Variants in PXDN observed in about 807,000 individuals in gnomAD.
PXDN encodes the protein peroxidasin homolog.
A neutral mutation model predicts 140.3 loss-of-function variants in PXDN; 77 were observed. The ratio of observed to expected loss-of-function variants is 0.55; its 90% CI spans 0.46 to 0.66. The LOEUF (loss-of-function observed/expected upper bound fraction) is 0.66. Among genes scored for constraint, PXDN ranks in the 30% least tolerant of loss-of-function variants. The probability of loss-of-function intolerance (pLI) is 0.00; values close to 1 mark genes in which losing one functional copy is unlikely to be tolerated. For synonymous variants in PXDN, 911 were observed against 857.4 expected, an observed-to-expected ratio of 1.06 and a Z score of -1.09; for missense variants, 1,838 against 2,039.5, an observed-to-expected ratio of 0.90 and a Z score of 1.90.
At chr2:1,650,645 C>T (rs554896008) in intron 16 of PXDN, among the ~76,000 whole-genome samples, 1 of 152,276 alleles carries the variant, frequency 6.6e-6, no homozygotes, top group South Asian at 2.1e-4. Context: ...TTCCTCAACA[C>T]TCCTCCTTTC....
chr2:1,709,683 C>T (rs1197455907), intron 1 of PXDN, among the ~76,000 whole-genome samples: 3 of 152,164 alleles, frequency 2.0e-5, no homozygotes, highest in Non-Finnish European at 4.4e-5. Context: ...CACCCCCACG[C>T]GGTGGTGTTA....
chr2:1,739,278 C>A (rs1438165131), intron 1 of PXDN, among the ~76,000 whole-genome samples: 2 of 152,152 alleles, frequency 1.3e-5, no homozygotes, highest in Non-Finnish European at 1.5e-5. Context: ...AGCTGCCAAT[C>A]ATCAGCAACT....
At position 1,713,356 on chromosome 2, in the gene PXDN, G is replaced by A. The variant is rs537491537; in HGVS notation, c.201-20222C>T. On this transcript the variant is annotated intron_variant, in intron 1 of 22. Transcript: ENST00000252804. The stretch of plus-strand genomic sequence containing the variant: ...TGTGGTAACTCAGCCTGGCCTCCGG[G>A]CTTCCATCCCTGCGAAAAGAAGCAG... 7.0e-4 allele frequency among the ~76,000 whole-genome samples: 106 copies of A among 152,326 alleles called. 1 individual carries two copies. Among genetic ancestry groups the A allele is most frequent in the Admixed American group, 3.8e-3 (58 of 15,298 alleles).
chr2:1,689,110 C>T (rs1280805460), intron 3 of PXDN, among the ~76,000 whole-genome samples: 2 of 152,184 alleles, frequency 1.3e-5, no homozygotes, highest in African/African-American at 4.8e-5. Flanking sequence ...TTCTCTAGGC[C>T]GCATACGTGG....
At chr2:1,664,873 G>A in intron 11 of PXDN, 85 bp downstream of exon 11, 1 of 1,172,152 alleles carries the variant, frequency 8.5e-7, no homozygotes, top group Non-Finnish European at 1.2e-6. Context: ...AGAACACGCT[G>A]GGGTTGCCTG....
At chr2:1,634,428 C>T in intron 22 of PXDN, 105 bp from the exon 23 acceptor site, 3 of 1,410,106 alleles carry the variant, frequency 2.1e-6, no homozygotes, top group Non-Finnish European at 2.8e-6. Flanking sequence ...ATGAGTCAGG[C>T]CTTGCCCTGA....
chr2:1,722,191 G>C (rs1685069609), intron 1 of PXDN, among the ~76,000 whole-genome samples: 1 of 152,194 alleles, frequency 6.6e-6, no homozygotes, highest in African/African-American at 2.4e-5. Flanking sequence ...CATGTAAGAA[G>C]AATAAAATTA....
intron 1 of PXDN, among the ~76,000 whole-genome samples, chr2:1,697,776 G>A (rs1356822175): frequency 2.0e-5 from 3 of 152,146 alleles, no homozygotes; most frequent in East Asian, 1.9e-4. Flanking sequence ...ATGTGGCGGC[G>A]TGGTCCTAGC....
In PXDN at chr2:1,643,476, T is replaced by G. The variant is rs749813167; in HGVS notation, c.3844A>C (p.Thr1282Pro). The change falls in exon 19 of 23, where the codon ACC becomes CCC. Residue 1282 changes from threonine to proline, a missense_variant. Coordinates refer to ENST00000252804, the MANE Select transcript of PXDN (RefSeq NM_012293.3). ...RILCDNADNI[T>P]RVQSDVFRVA... ...CTGAACACGTCGCTCTGCACCCGGG[T>G]GATGTTGTCCGCGTTGTCGCATAGG... The G allele has an allele frequency of 6.2e-7, 1 of 1,613,684 alleles. No individual in the cohort carries two copies. The highest frequency in any genetic ancestry group is 8.5e-7 in the Non-Finnish European group (1 of 1,179,886).
intron 3 of PXDN, among the ~76,000 whole-genome samples, chr2:1,689,833 T>G (rs1185605614): frequency 6.6e-6 from 1 of 152,098 alleles, no homozygotes; most frequent in Non-Finnish European, 1.5e-5. Flanking sequence ...AAATTGTGAT[T>G]TTCTACTTCA....
chr2:1,715,116 G>A (rs1018685579), intron 1 of PXDN, among the ~76,000 whole-genome samples: 6 of 151,780 alleles, frequency 4.0e-5, no homozygotes, highest in African/African-American at 1.2e-4. Context: ...AATAAAATCA[G>A]TATTTTTCCT....
intron 1 of PXDN, among the ~76,000 whole-genome samples, chr2:1,741,822 GGA>G (rs1162584891): frequency 6.6e-6 from 1 of 152,096 alleles, no homozygotes; most frequent in Non-Finnish European, 1.5e-5. Flanking sequence ...CACAGTCCTG[GGA>G]GAAAGCCGAA....
chr2:1,718,922 G>A (rs897112011), intron 1 of PXDN, among the ~76,000 whole-genome samples: 1 of 152,258 alleles, frequency 6.6e-6, no homozygotes, highest in African/African-American at 2.4e-5. Flanking sequence ...CCAAAGAGGG[G>A]TTCTTATGGC....
At chr2:1,671,081 T>C (rs921379303) in intron 9 of PXDN, among the ~76,000 whole-genome samples, 3 of 151,620 alleles carry the variant, frequency 2.0e-5, no homozygotes, top group East Asian at 1.9e-4. Context: ...ATAATGTTTA[T>C]AGGTTTAAAA....
intron 9 of PXDN, among the ~76,000 whole-genome samples, chr2:1,671,680 C>G (rs113339004): frequency 6.8e-6 from 1 of 147,086 alleles, no homozygotes; most frequent in Non-Finnish European, 1.5e-5. Context: ...ATACTGGGTG[C>G]GATATGCCCC....
chr2:1,633,576 C>G lies in PXDN; in HGVS notation c.*628G>C, dbSNP rs1385953674. On this transcript the variant is annotated 3_prime_UTR_variant, in exon 23 of 23. Transcript: ENST00000252804. ...ACGTGTGGTGAAATGTTACAGAGAG[C>G]CCAGAGGAAGGAGGAGTTCAGAGGT... 6.6e-6 allele frequency: 1 copy of G among 151,602 alleles called. No individual in the cohort carries two copies. Among genetic ancestry groups the G allele is most frequent in the Non-Finnish European group, 1.5e-5 (1 of 68,022 alleles). 9.4% of individuals were successfully genotyped at this position (151,602 alleles called of 1,614,324 possible).
intron 4 of PXDN, among the ~76,000 whole-genome samples, chr2:1,686,907 T>C (rs1370493095): frequency 2.6e-5 from 4 of 152,178 alleles, no homozygotes; most frequent in Non-Finnish European, 5.9e-5. Flanking sequence ...AAACAGCTGC[T>C]TTCATCCACA....
chr2:1,659,986 G>A (rs1478800561), intron 14 of PXDN, among the ~76,000 whole-genome samples: 1 of 152,354 alleles, frequency 6.6e-6, no homozygotes, highest in South Asian at 2.1e-4. Flanking sequence ...GAAGGCCAGC[G>A]CCTGCGGGGA....
At chr2:1,740,444 A>C (rs2125497512) in intron 1 of PXDN, among the ~76,000 whole-genome samples, 1 of 151,808 alleles carries the variant, frequency 6.6e-6, no homozygotes, top group African/African-American at 2.4e-5. Flanking sequence ...ACCCACTCCC[A>C]CCTATGGACT....
Sources: gnomAD v4.1 joint callset for allele counts (sites outside exome capture counted in the v4.1 genomes callset) on GRCh38, gnomAD v4.1.1 for gene constraint, MANE v1.5 for transcripts, NCBI Gene and HGNC (gene_info 2026-07-23, HGNC 2026-07-21) for gene names.